The following MAML1 variants were observed in gnomAD, a reference collection of about 807,000 sequenced individuals.
MAML1 encodes mastermind-like protein 1.
A neutral mutation model predicts 77.1 loss-of-function variants in MAML1; 14 were observed. The observed-to-expected ratio is 0.18, with a 90% CI of 0.12 to 0.28. The LOEUF is 0.28. Ranked by LOEUF, MAML1 falls within the 10% of genes least tolerant of loss-of-function variation. The pLI, the probability that MAML1 is intolerant of heterozygous loss-of-function variation, is 1.00. For missense variants in MAML1, 1,217 were observed against 1,327.8 expected (o/e 0.92, Z 1.30); for synonymous variants, 516 against 551.9 (o/e 0.93, Z 0.91).
chr5:179,766,461 C>T lies in MAML1; in HGVS notation c.1451C>T (p.Pro484Leu), dbSNP rs1289626496. 3.1e-6 allele frequency: 5 copies of T among 1,611,942 alleles called. No homozygotes were observed. The highest frequency in any genetic ancestry group is 4.2e-6 in the Non-Finnish European group (5 of 1,179,062). Reference sequence around the variant, plus strand: ...CGGCCCGGAGGCCCCTACCTCCAGCCCAGCCATGTGAACCTGCTGAGTCAC... The same window carrying T: ...CGGCCCGGAGGCCCCTACCTCCAGCTCAGCCATGTGAACCTGCTGAGTCAC... ...SPRPGGPYLQ[P>L]SHVNLLSHQP... is the part of the protein sequence containing the mutation. Residue 484 changes from proline (P) to leucine (L), a missense_variant, in exon 2 of 5, where the codon CCC becomes CTC. Physicochemically the swap from Pro to Leu is moderately conservative, Grantham distance 98. Transcript: ENST00000292599. This position sits in a 1 kb window ranked among gnomAD's most constrained non-coding sequence, Gnocchi z 4.0.
intron 1 of MAML1, among the ~76,000 whole-genome samples, chr5:179,737,201 A>G (rs191886383): frequency 6.6e-6 from 1 of 152,318 alleles, no homozygotes; most frequent in East Asian, 1.9e-4. Flanking sequence ...TTTTTATCAC[A>G]TTAAACCTTG....
At chr5:179,749,969 C>T (rs1779454721) in intron 1 of MAML1, among the ~76,000 whole-genome samples, 1 of 152,218 alleles carries the variant, frequency 6.6e-6, no homozygotes, top group Admixed American at 6.5e-5. Context: ...ATCTTGCTCA[C>T]GACTTCCTCA....
At chr5:179,754,888 CAG>C (rs1779580995) in intron 1 of MAML1, among the ~76,000 whole-genome samples, 1 of 152,126 alleles carries the variant, frequency 6.6e-6, no homozygotes, top group Non-Finnish European at 1.5e-5. Flanking sequence ...ATTTGAAGGA[CAG>C]AAAGTCTCAG....
rs2113322708 is a variant in MAML1 at position 179,732,897 on chromosome 5, G to C, written c.-216G>C. 1 of 275,234 alleles carries C rather than the reference G, an allele frequency of 3.6e-6. No homozygotes were observed. Among genetic ancestry groups the C allele is most frequent in the East Asian group, 6.6e-5 (1 of 15,224 alleles). 17.0% of individuals were successfully genotyped at this position (275,234 alleles called of 1,614,324 possible). ...AACAATGGGGCCGGGGCGGTGGGGA[G>C]AGGCCGAGGCTTGAGGTAGGCAGCA... On this transcript the variant is annotated 5_prime_UTR_variant, in exon 1 of 5. Coordinates refer to ENST00000292599, the MANE Select transcript of MAML1 (RefSeq NM_014757.5).
intron 1 of MAML1, among the ~76,000 whole-genome samples, chr5:179,758,983 G>T (rs1430449875): frequency 6.6e-6 from 1 of 151,828 alleles, no homozygotes; most frequent in Non-Finnish European, 1.5e-5. Flanking sequence ...GGGCAACAGA[G>T]CAAGACTCCG....
chr5:179,774,445 C>T lies in MAML1; in HGVS notation c.2619C>T (p.His873=). Residue 873 remains histidine (H), a synonymous_variant, in exon 5 of 5, where the codon CAC becomes CAT. Coordinates refer to ENST00000292599, the MANE Select transcript of MAML1 (RefSeq NM_014757.5). The part of the protein sequence containing the change: ...ASSFHMQQQA[H]LKMSSPQFSQ... ...GTTTCCACATGCAGCAGCAGGCCCA[C>T]CTGAAAATGTCTAGCCCGCAATTCT... The T allele has an allele frequency of 9.3e-6, 15 of 1,613,316 alleles. No homozygotes were observed. Among genetic ancestry groups the T allele is most frequent in the Non-Finnish European group, 1.3e-5 (15 of 1,180,030 alleles).
chr5:179,774,817 G>A lies in MAML1; in HGVS notation c.2991G>A (p.Leu997=). The A allele has an allele frequency of 1.9e-6, 3 of 1,614,026 alleles. No individual in the cohort carries two copies. Among genetic ancestry groups the A allele is most frequent in the South Asian group, 2.2e-5 (2 of 91,080 alleles). ...AGHTDLIDSL[L]KNRTSEEWMS... ...ACACCGATCTGATCGACTCCCTGCT[G>A]AAGAACAGGACTTCAGAGGAGTGGA... The change falls in exon 5 of 5, where the codon CTG becomes CTA. Residue 997 remains leucine, a synonymous_variant. Transcript: ENST00000292599.
chr5:179,754,978 C>G (rs1226458145), intron 1 of MAML1, among the ~76,000 whole-genome samples: 1 of 152,092 alleles, frequency 6.6e-6, no homozygotes, highest in Non-Finnish European at 1.5e-5. Context: ...TTCCCTCTTA[C>G]AGAAGAGAGA....
chr5:179,770,464 T>C (rs1755962986), intron 3 of MAML1, among the ~76,000 whole-genome samples: 1 of 152,156 alleles, frequency 6.6e-6, no homozygotes, highest in African/African-American at 2.4e-5. Flanking sequence ...AAAAATTGTC[T>C]GTTCTGGACA....
intron 1 of MAML1, among the ~76,000 whole-genome samples, chr5:179,742,228 C>T (rs1211963668): frequency 6.6e-6 from 1 of 151,068 alleles, no homozygotes; most frequent in Middle Eastern, 3.2e-3. Flanking sequence ...GTGGCTCATG[C>T]CTGTAATCCC....
chr5:179,735,750 T>C (rs911382183), intron 1 of MAML1, among the ~76,000 whole-genome samples: 1 of 151,406 alleles, frequency 6.6e-6, no homozygotes, highest in Non-Finnish European at 1.5e-5. Context: ...TGTAGTGACA[T>C]GATTTCTGCT....
intron 1 of MAML1, among the ~76,000 whole-genome samples, chr5:179,741,848 G>C (rs1392389422): frequency 6.6e-6 from 1 of 151,966 alleles, no homozygotes; most frequent in Admixed American, 6.6e-5. Flanking sequence ...TTTTCCCTCT[G>C]AGCATCTGCA....
At chr5:179,742,882 A>G (rs557574274) in intron 1 of MAML1, among the ~76,000 whole-genome samples, 32 of 152,266 alleles carry the variant, frequency 2.1e-4, no homozygotes, top group African/African-American at 7.0e-4. Context: ...ATCAGGTGGT[A>G]TTTAATAGGA....
chr5:179,764,660 C>CAA (rs796443853), intron 1 of MAML1, among the ~76,000 whole-genome samples: 1 of 129,308 alleles, frequency 7.7e-6, no homozygotes, highest in African/African-American at 2.9e-5. Context: ...AACTCTGTCT[C>CAA]AAAAAAAAAA....
At position 179,771,084 on chromosome 5, in the gene MAML1, A is replaced by C; in HGVS notation, c.1972-63A>C. 2.4e-6 allele frequency: 3 copies of C among 1,268,468 alleles called. No homozygotes were observed. The highest frequency in any genetic ancestry group is 3.5e-6 in the Non-Finnish European group (3 of 866,038). 78.6% of individuals were successfully genotyped at this position (1,268,468 alleles called of 1,614,324 possible). On this transcript the variant is annotated intron_variant, in intron 3 of 4. Coordinates refer to ENST00000292599, the MANE Select transcript of MAML1 (RefSeq NM_014757.5). This position sits in a 1 kb window ranked among gnomAD's most constrained non-coding sequence, Gnocchi z 4.7. ...AAGTTACTTTTCTCTGACCTCCCTC[A>C]CTCCCTTTGTTTTGGATTTTGTTAT...
intron 1 of MAML1, among the ~76,000 whole-genome samples, chr5:179,751,662 G>C (rs1030745836): frequency 6.6e-6 from 1 of 151,854 alleles, no homozygotes; most frequent in African/African-American, 2.4e-5. Context: ...CCAAGATCAT[G>C]CCACTGCACT....
At position 179,733,420 on chromosome 5, in the gene MAML1, C is replaced by T; in HGVS notation, c.308C>T (p.Pro103Leu). The change falls in exon 1 of 5, where the codon CCG becomes CTG. Residue 103 changes from proline to leucine, a missense_variant. By Grantham distance (98) the Pro-to-Leu change is moderately conservative. Transcript: ENST00000292599. ...DAADGPEHGR[P>L]ATHLHDTVKR... ...GCTGACGGCCCCGAGCACGGCCGCC[C>T]GGCCACGGTGAGTAGGGCGCGGGAA... The T allele has an allele frequency of 1.8e-6, 2 of 1,103,990 alleles. No homozygotes were observed. Among genetic ancestry groups the T allele is most frequent in the South Asian group, 4.3e-5 (1 of 23,432 alleles). 68.4% of individuals were successfully genotyped at this position (1,103,990 alleles called of 1,614,324 possible).
intron 1 of MAML1, among the ~76,000 whole-genome samples, chr5:179,733,866 T>C (rs1015104998): frequency 6.6e-6 from 1 of 152,234 alleles, no homozygotes; most frequent in African/African-American, 2.4e-5. Flanking sequence ...GATCAGGGCT[T>C]TCATGTGGAA....
chr5:179,753,184 A>T (rs956232368), intron 1 of MAML1, among the ~76,000 whole-genome samples: 2 of 120,508 alleles, frequency 1.7e-5, no homozygotes, highest in African/African-American at 5.7e-5. Context: ...GCTATTTTTT[A>T]GTGTGTGTGT....
Sources: allele counts gnomAD v4.1 joint callset (sites outside exome capture counted in the v4.1 genomes callset), GRCh38; gene constraint gnomAD v4.1.1; non-coding constraint Gnocchi (gnomAD v3.1); transcripts MANE v1.5; gene names NCBI Gene and HGNC (gene_info 2026-07-23, HGNC 2026-07-21).